Variants in P2RY8 observed in about 807,000 individuals in gnomAD.
P2RY8 encodes P2Y receptor family member 8.
Under a neutral mutation model 10.0 loss-of-function variants are expected in P2RY8, and 6 were observed. The ratio of observed to expected loss-of-function variants is 0.60; its 90% confidence interval spans 0.33 to 1.19. The LOEUF (loss-of-function observed/expected upper bound fraction) is 1.19. P2RY8 is among the 50% of genes most tolerant of loss of function. The pLI is 0.04. For synonymous variants in P2RY8, 276 were observed against 252.5 expected (o/e 1.09, Z -0.88); for missense variants, 456 against 542.0 (o/e 0.84, Z 1.58).
At chrX:1,477,732 T>C (rs2091891434) in intron 1 of P2RY8, among the ~76,000 whole-genome samples, 1 of 152,142 alleles carries the variant, frequency 6.6e-6, no homozygotes, top group Admixed American at 6.5e-5. Context: ...TGGGCTGAAA[T>C]GTCAGCAGTG....
At chrX:1,521,680 G>C in intron 1 of P2RY8, among the ~76,000 whole-genome samples, 1 of 151,850 alleles carries the variant, frequency 6.6e-6, no homozygotes. Flanking sequence ...AAACGGCAAA[G>C]GAAGGTGTGT....
chrX:1,480,618 C>A (rs1215986839), intron 1 of P2RY8, among the ~76,000 whole-genome samples: 1 of 151,818 alleles, frequency 6.6e-6, no homozygotes, highest in African/African-American at 2.4e-5. Context: ...GGGAGTTGAA[C>A]AATGAGAACA....
At chrX:1,532,401 T>TGTGTATATACAC (rs2092482936) in intron 1 of P2RY8, among the ~76,000 whole-genome samples, 2 of 131,250 alleles carry the variant, frequency 1.5e-5, no homozygotes, top group Non-Finnish European at 3.5e-5. Flanking sequence ...CACATATATG[T>TGTGTATATACAC]ATATATGTAT....
At chrX:1,520,625 A>C (rs191409004) in intron 1 of P2RY8, among the ~76,000 whole-genome samples, 3 of 149,990 alleles carry the variant, frequency 2.0e-5, no homozygotes, top group Admixed American at 6.7e-5. Flanking sequence ...CCTCTCCCTG[A>C]TCCCCAATAA....
intron 1 of P2RY8, among the ~76,000 whole-genome samples, chrX:1,524,890 T>TCC (rs2092429495): frequency 9.9e-5 from 11 of 110,784 alleles, no homozygotes; most frequent in East Asian, 8.1e-4. Flanking sequence ...TCCATCCATC[T>TCC]ATCCATCCAT....
At chrX:1,482,881 G>C (rs1306422990) in intron 1 of P2RY8, among the ~76,000 whole-genome samples, 1 of 151,582 alleles carries the variant, frequency 6.6e-6, no homozygotes, top group African/African-American at 2.4e-5. Flanking sequence ...CTCATAGGTG[G>C]GAATTGAACC....
intron 1 of P2RY8, among the ~76,000 whole-genome samples, chrX:1,495,645 A>T (rs2092109083): frequency 1.4e-5 from 2 of 139,976 alleles, no homozygotes; most frequent in Non-Finnish European, 3.1e-5. Flanking sequence ...ATGGACAAAG[A>T]CACCTCATAA....
At chrX:1,509,811 A>ATCCAT (rs1569538170) in intron 1 of P2RY8, among the ~76,000 whole-genome samples, 94 of 89,180 alleles carry the variant, frequency 1.1e-3, no homozygotes, top group African/African-American at 3.3e-3. Context: ...CTATCTATCT[A>ATCCAT]TCTATCTATC....
At chrX:1,523,024 G>T (rs2092403830) in intron 1 of P2RY8, among the ~76,000 whole-genome samples, 2 of 140,604 alleles carry the variant, frequency 1.4e-5, no homozygotes, top group South Asian at 4.6e-4. Context: ...AGCCGAGATT[G>T]CACTACTGCA....
chrX:1,478,668 G>A (rs2091903247), intron 1 of P2RY8, among the ~76,000 whole-genome samples: 1 of 151,822 alleles, frequency 6.6e-6, no homozygotes. Flanking sequence ...TAGTAGAGAT[G>A]GGGGTTCCAG....
chrX:1,473,439 G>C (rs1329297526), intron 1 of P2RY8, among the ~76,000 whole-genome samples: 1 of 149,232 alleles, frequency 6.7e-6, no homozygotes, highest in Non-Finnish European at 1.5e-5. Context: ...GTGGGTGGAT[G>C]AATGGATGAG....
intron 1 of P2RY8, among the ~76,000 whole-genome samples, chrX:1,469,830 C>T (rs1448905666): frequency 1.3e-5 from 2 of 151,842 alleles, no homozygotes; most frequent in Admixed American, 6.6e-5. Context: ...ACCCGGGAGG[C>T]GGAGCTTGCA....
chrX:1,474,154 A>G (rs1428632688), intron 1 of P2RY8, among the ~76,000 whole-genome samples: 31 of 139,852 alleles, frequency 2.2e-4, no homozygotes, highest in Non-Finnish European at 4.0e-4. Context: ...TGATGGGTAG[A>G]TGGATGGGTG....
intron 1 of P2RY8, among the ~76,000 whole-genome samples, chrX:1,533,011 A>G (rs2149417549): frequency 6.7e-6 from 1 of 150,242 alleles, no homozygotes; most frequent in South Asian, 2.1e-4. Flanking sequence ...TCAAAAAAAA[A>G]AAAAAAAAAA....
chrX:1,525,605 A>G (rs2092434642), intron 1 of P2RY8, among the ~76,000 whole-genome samples: 1 of 152,172 alleles, frequency 6.6e-6, no homozygotes, highest in African/African-American at 2.4e-5. Flanking sequence ...CTATTCACCT[A>G]TTGACTCAAT....
At chrX:1,490,544 G>A (rs1408446103) in intron 1 of P2RY8, among the ~76,000 whole-genome samples, 80 of 116,590 alleles carry the variant, frequency 6.9e-4, no homozygotes, top group Middle Eastern at 5.6e-3. Context: ...ATGATACCCC[G>A]GATTCACTTC....
chrX:1,488,826 G>A (rs1679456279), intron 1 of P2RY8, among the ~76,000 whole-genome samples: 1 of 151,920 alleles, frequency 6.6e-6, no homozygotes, highest in Admixed American at 6.6e-5. Context: ...ATAACACTCA[G>A]AGCGTCCACA....
At chrX:1,501,662 T>C (rs1474043790) in intron 1 of P2RY8, among the ~76,000 whole-genome samples, 1 of 152,072 alleles carries the variant, frequency 6.6e-6, no homozygotes, top group Non-Finnish European at 1.5e-5. Flanking sequence ...GGTGCGATCT[T>C]GGCTCACTGC....
At position 1,464,927 on chromosome X, in the gene P2RY8, T is replaced by TGCAC; in HGVS notation, c.*551_*552insGTGC. On this transcript the variant is annotated 3_prime_UTR_variant, in exon 2 of 2. Coordinates refer to ENST00000381297, the MANE Select transcript of P2RY8 (RefSeq NM_178129.5). ...ACAGAAATTTCGGCGTGCACCGGGC[T>TGCAC]ACGGAGACCAGAACCCCTGGAGGAG... The TGCAC allele has an allele frequency of 4.3e-6, 1 of 234,606 alleles. No individual in the cohort carries two copies. 14.5% of individuals were successfully genotyped at this position (234,606 alleles called of 1,614,324 possible).
Sources: gnomAD v4.1 joint callset for allele counts (sites outside exome capture counted in the v4.1 genomes callset) on GRCh38, gnomAD v4.1.1 for gene constraint, MANE v1.5 for transcripts, NCBI Gene and HGNC (gene_info 2026-07-23, HGNC 2026-07-21) for gene names.